The following TNRC6B variants were observed in gnomAD, a reference collection of about 807,000 sequenced individuals.
TNRC6B encodes the protein trinucleotide repeat-containing gene 6B protein.
In TNRC6B, 52 loss-of-function variants were observed where a neutral mutation model predicts 203.6. The observed-to-expected ratio is 0.26, with a 90% CI of 0.20 to 0.32. The LOEUF (loss-of-function observed/expected upper bound fraction) is 0.32. Ranked by LOEUF, TNRC6B falls within the 10% of genes least tolerant of loss-of-function variation. The pLI, the probability that TNRC6B is intolerant of heterozygous loss-of-function variation, is 1.00. For missense variants in TNRC6B, 1,923 were observed against 2,286.2 expected, an observed-to-expected ratio of 0.84 and a Z score of 3.24; for synonymous variants, 838 against 845.7, an observed-to-expected ratio of 0.99 and a Z score of 0.16.
upstream of TNRC6B, among the ~76,000 whole-genome samples, chr22:40,177,113 T>A (rs2069070415): frequency 2.0e-5 from 3 of 152,136 alleles, no homozygotes; most frequent in African/African-American, 7.2e-5. Flanking sequence ...GAGATGTATA[T>A]GCGAAGGAGA....
At chr22:40,267,375 A>G (rs1407557362) in intron 5 of TNRC6B, among the ~76,000 whole-genome samples, 2 of 152,252 alleles carry the variant, frequency 1.3e-5, no homozygotes, top group Non-Finnish European at 2.9e-5. Context: ...AAGTAGTAGC[A>G]GAAATAGACC....
At chr22:40,208,424 A>G (rs1031855833) in intron 1 of TNRC6B, among the ~76,000 whole-genome samples, 4 of 152,234 alleles carry the variant, frequency 2.6e-5, no homozygotes, top group Non-Finnish European at 4.4e-5. Context: ...AGGCAAATGT[A>G]TAAATACAGC....
chr22:40,086,356 T>G (rs951806915), intron 1 of TNRC6B, among the ~76,000 whole-genome samples: 12 of 152,252 alleles, frequency 7.9e-5, no homozygotes, highest in African/African-American at 2.9e-4. Flanking sequence ...CTGATGGATT[T>G]CATCATATTT....
At chr22:40,225,714 G>A (rs1187940609) in intron 1 of TNRC6B, among the ~76,000 whole-genome samples, 1 of 127,536 alleles carries the variant, frequency 7.8e-6, no homozygotes, top group African/African-American at 2.9e-5. Flanking sequence ...CTCCACTCCA[G>A]CCTGAGCGAC....
chr22:40,300,771 G>C, intron 13 of TNRC6B, 139 bp from the exon 14 acceptor site: 1 of 1,207,810 alleles, frequency 8.3e-7, no homozygotes, highest in South Asian at 1.6e-5. Context: ...GTAACCAAGA[G>C]ACCGGGAATT....
rs183788887 is a variant in TNRC6B, at chr22:40,198,325, A to G, written c.5+20185A>G. On this transcript the variant is annotated intron_variant, in intron 1 of 22. Coordinates refer to ENST00000454349, the MANE Select transcript of TNRC6B (RefSeq NM_001162501.2). ...ATTATTACAAGTTCTAACTTAACAG[A>G]TATTCTTTAAAAAATACATTTTTAC... 2.2e-3 allele frequency among the ~76,000 whole-genome samples: 328 copies of G among 152,250 alleles called. 3 individuals are homozygous for G. The highest frequency in any genetic ancestry group is 6.8e-3 in the African/African-American group (281 of 41,566).
At chr22:40,286,561 T>A (rs2070785473) in intron 12 of TNRC6B, among the ~76,000 whole-genome samples, 1 of 152,110 alleles carries the variant, frequency 6.6e-6, no homozygotes, top group African/African-American at 2.4e-5. Flanking sequence ...CTGAAAATGT[T>A]GAGGAGCTGT....
At chr22:40,211,929 T>C (rs1601887896) in intron 1 of TNRC6B, among the ~76,000 whole-genome samples, 2 of 152,332 alleles carry the variant, frequency 1.3e-5, no homozygotes, top group East Asian at 1.9e-4. Context: ...AACTCCTCTT[T>C]CCTTTCGTCT....
chr22:40,103,619 T>C lies in TNRC6B; in HGVS notation c.-120-13436T>C, dbSNP rs2068258379. On this transcript the variant is annotated intron_variant, in intron 1 of 23. Coordinates refer to the TNRC6B transcript ENST00000301923. ...GGGTTGTTTCCACTTTTTTGGCTAT[T>C]ATGAGTAATAATTCTTTTTTTTTCT... Among the ~76,000 whole-genome samples, 2 of 152,126 alleles carry C rather than the reference T, an allele frequency of 1.3e-5. 1 individual carries two copies. Among genetic ancestry groups the C allele is most frequent in the South Asian group, 4.1e-4 (2 of 4,826 alleles).
At chr22:40,124,307 C>T (rs2068468988) in intron 2 of TNRC6B, among the ~76,000 whole-genome samples, 1 of 151,474 alleles carries the variant, frequency 6.6e-6, no homozygotes, top group Non-Finnish European at 1.5e-5. Flanking sequence ...CATACACTAC[C>T]AGCATCTTTT....
intron 3 of TNRC6B, among the ~76,000 whole-genome samples, chr22:40,253,150 C>T (rs1442761522): frequency 2.7e-5 from 4 of 149,364 alleles, no homozygotes; most frequent in South Asian, 2.1e-4. Flanking sequence ...CAGGCGATCT[C>T]GGCTCACTGC....
At position 40,325,417 on chromosome 22, in the gene TNRC6B, A is replaced by G. The variant is rs1029766308; in HGVS notation, c.*2176A>G. The stretch of plus-strand genomic sequence containing the variant: ...GGCTTACCCTGTTGATTATAAACCT[A>G]GCCTCAAAAGAGATTGACAGGCATG... On this transcript the variant is annotated 3_prime_UTR_variant, in exon 23 of 23. Transcript: ENST00000454349. 6.5e-6 allele frequency: 1 copy of G among 152,766 alleles called. No homozygotes were observed. Among genetic ancestry groups the G allele is most frequent in the South Asian group, 2.1e-4 (1 of 4,824 alleles). The allele number at this position is 152,766 out of a possible 1,614,324, so 9.5% of individuals were successfully genotyped here.
chr22:40,136,852 T>C (rs1407256418), intron 3 of TNRC6B, among the ~76,000 whole-genome samples: 1 of 152,238 alleles, frequency 6.6e-6, no homozygotes, highest in Non-Finnish European at 1.5e-5. Context: ...TTTTAGCTAT[T>C]AATATAACAT....
At chr22:40,225,722 G>A (rs181864209) in intron 1 of TNRC6B, among the ~76,000 whole-genome samples, 25 of 122,482 alleles carry the variant, frequency 2.0e-4, no homozygotes, top group African/African-American at 6.2e-4. Flanking sequence ...CAGCCTGAGC[G>A]ACAGAGTGAG....
chr22:40,277,065 TC>T lies in TNRC6B; in HGVS notation c.3142-11del, dbSNP rs1487138937. 6.4e-7 allele frequency: 1 copy of T among 1,569,518 alleles called. No individual in the cohort carries two copies. The highest frequency in any genetic ancestry group is 8.6e-7 in the Non-Finnish European group (1 of 1,161,260). ...TTATTTGGTTCTGAGGTTCCGTGTT[TC>T]ATTTCTGTAGTGCTCACTCAAAGGA... On this transcript the variant is annotated splice_polypyrimidine_tract_variant and intron_variant, in intron 7 of 22. Coordinates refer to ENST00000454349, the MANE Select transcript of TNRC6B (RefSeq NM_001162501.2).
At chr22:40,090,342 T>G (rs1185069399) in intron 1 of TNRC6B, among the ~76,000 whole-genome samples, 1 of 151,996 alleles carries the variant, frequency 6.6e-6, no homozygotes, top group Non-Finnish European at 1.5e-5. Context: ...TTACCAGCAT[T>G]AGGTGGTGTC....
chr22:40,192,053 T>G (rs1472526749), intron 1 of TNRC6B, among the ~76,000 whole-genome samples: 1 of 152,140 alleles, frequency 6.6e-6, no homozygotes, highest in South Asian at 2.1e-4. Context: ...AGAGATAGGA[T>G]CTTGCTTTTT....
intron 15 of TNRC6B, among the ~76,000 whole-genome samples, chr22:40,305,100 A>G (rs2071073255): frequency 6.6e-6 from 1 of 152,240 alleles, no homozygotes; most frequent in Non-Finnish European, 1.5e-5. Context: ...AATGGAGCCA[A>G]AAGTCGTGAA....
chr22:40,278,851 C>A (rs1429578215), intron 9 of TNRC6B, among the ~76,000 whole-genome samples: 2 of 152,192 alleles, frequency 1.3e-5, no homozygotes. Context: ...GCGATTTTTC[C>A]CGCCTGAGTC....
Sources: gnomAD v4.1 joint callset for allele counts (sites outside exome capture counted in the v4.1 genomes callset) on GRCh38, gnomAD v4.1.1 for gene constraint, MANE v1.5 for transcripts, NCBI Gene and HGNC (gene_info 2026-07-23, HGNC 2026-07-21) for gene names.